SLC36A4: variants seen among roughly 807,000 people sequenced by gnomAD.
The protein encoded by SLC36A4 is solute carrier family 36 member 4.
A neutral mutation model predicts 50.5 loss-of-function variants in SLC36A4; 49 were observed. The observed-to-expected ratio is 0.97, with a 90% CI of 0.77 to 1.23. The LOEUF is 1.23. SLC36A4 is among the 50% of genes most tolerant of loss of function. SLC36A4 has a pLI of 0.00. For synonymous variants in SLC36A4, 207 were observed against 206.5 expected (o/e 1.00, Z -0.02); for missense variants, 611 against 608.4 (o/e 1.00, Z -0.05).
At chr11:93,192,374 G>T (rs929812180) in intron 1 of SLC36A4, among the ~76,000 whole-genome samples, 1 of 152,162 alleles carries the variant, frequency 6.6e-6, no homozygotes, top group African/African-American at 2.4e-5. Context: ...AGAGAGGAAT[G>T]AGTGCGGGGG....
intron 3 of SLC36A4, among the ~76,000 whole-genome samples, chr11:93,183,785 C>T (rs1861850409): frequency 6.6e-6 from 1 of 151,930 alleles, no homozygotes; most frequent in Admixed American, 6.6e-5. Context: ...GCAAACTCCA[C>T]CTCCTGGGTT....
chr11:93,190,895 A>G (rs1423659446), intron 1 of SLC36A4, among the ~76,000 whole-genome samples: 1 of 152,208 alleles, frequency 6.6e-6, no homozygotes, highest in African/African-American at 2.4e-5. Context: ...GTATACAGAG[A>G]GGTAACATTA....
Position 93,173,621 on chromosome 11 carries a change from G to T in SLC36A4, c.541-5450C>A, listed in dbSNP as rs879967585. Among the ~76,000 whole-genome samples, 228 of 29,804 alleles carry T rather than the reference G, an allele frequency of 7.6e-3. 1 individual carries two copies. Among genetic ancestry groups the T allele is most frequent in the African/African-American group, 0.018 (216 of 12,190 alleles). 19.6% of individuals were successfully genotyped at this position (29,804 alleles called of 152,430 possible). A position where few individuals can be genotyped will look rare whatever the true frequency, so the allele number is the denominator to read the frequency against. ...TTTAATCCATCTTGAATTGATTTTT[G>T]TATAAGGTGTAAGGAAGGGATCCAG... On this transcript the variant is annotated intron_variant, in intron 6 of 10. Transcript: ENST00000326402.
chr11:93,154,382 G>C (rs1019869576), intron 9 of SLC36A4, 105 bp from the exon 10 acceptor site: 2 of 508,068 alleles, frequency 3.9e-6, no homozygotes, highest in Admixed American at 4.3e-5. Flanking sequence ...TACCAAATTA[G>C]GCCAGAACCT....
At chr11:93,181,014 G>C (rs1393976955) in intron 5 of SLC36A4, 133 bp from the exon 6 acceptor site, 2 of 660,326 alleles carry the variant, frequency 3.0e-6, no homozygotes, top group South Asian at 3.9e-5. Flanking sequence ...CAGGAACTCA[G>C]AGCAGTTCAT....
rs750283537 is a variant in SLC36A4 at position 93,185,772 on chromosome 11, T to A, written c.98A>T (p.Asp33Val). 88 of 1,608,516 alleles carry A rather than the reference T, an allele frequency of 5.5e-5. No homozygotes were observed. The Admixed American group carries it at 1.5e-3, about 27-fold the overall frequency. The change falls in exon 2 of 11, where the codon GAT becomes GTT. Residue 33 changes from aspartate to valine, a missense_variant. Physicochemically the swap from Asp to Val is radical, Grantham distance 152. Coordinates refer to ENST00000326402, the MANE Select transcript of SLC36A4 (RefSeq NM_152313.4). Reference protein sequence around the residue: ...MRPLINEQNFDGTSDEEHEQE... With the variant: ...MRPLINEQNFVGTSDEEHEQE... Reference sequence around the variant, plus strand: ...CTCATGTTCTTCATCTGATGTCCCATCAAAATTCTGCTCATTTATCAAGGG... The same window carrying A: ...CTCATGTTCTTCATCTGATGTCCCAACAAAATTCTGCTCATTTATCAAGGG...
chr11:93,160,283 C>T, intron 9 of SLC36A4: 1 of 985,414 alleles, frequency 1.0e-6, no homozygotes, highest in Non-Finnish European at 1.2e-6. Flanking sequence ...AATGCAAATT[C>T]TCTAAAGGGA....
chr11:93,169,179 T>C (rs76149348), intron 6 of SLC36A4, among the ~76,000 whole-genome samples: 91 of 152,120 alleles, frequency 6.0e-4, no homozygotes, highest in East Asian at 5.6e-3. Flanking sequence ...TATCAGGTAC[T>C]GAACTACATG....
At chr11:93,165,048 C>G (rs1860799900) in intron 8 of SLC36A4, among the ~76,000 whole-genome samples, 1 of 152,064 alleles carries the variant, frequency 6.6e-6, no homozygotes, top group Non-Finnish European at 1.5e-5. Flanking sequence ...ACGTTTACAA[C>G]AGCAATAATT....
Position 93,148,366 on chromosome 11 carries a change from A to T in SLC36A4, c.*171T>A. 2 of 558,652 alleles carry T rather than the reference A, an allele frequency of 3.6e-6. No homozygotes were observed. Among genetic ancestry groups the T allele is most frequent in the Non-Finnish European group, 6.0e-6 (2 of 331,184 alleles). 34.6% of individuals were successfully genotyped at this position (558,652 alleles called of 1,614,324 possible). A position where few individuals can be genotyped will look rare whatever the true frequency, so the allele number is the denominator to read the frequency against. On this transcript the variant is annotated 3_prime_UTR_variant, in exon 11 of 11. Coordinates refer to ENST00000326402, the MANE Select transcript of SLC36A4 (RefSeq NM_152313.4). ...TAACACTTAAAAGCAAGGATTTTTC[A>T]TAGGTTTACCACTACTGGTAAAGAG...
intron 8 of SLC36A4, among the ~76,000 whole-genome samples, chr11:93,165,177 T>C (rs1046445792): frequency 8.5e-5 from 13 of 152,168 alleles, no homozygotes; most frequent in Admixed American, 3.3e-4. Context: ...CTGGGGTTAG[T>C]ATAAATAGAT....
chr11:93,192,744 C>A (rs575025787), intron 1 of SLC36A4, among the ~76,000 whole-genome samples: 1 of 152,074 alleles, frequency 6.6e-6, no homozygotes, highest in South Asian at 2.1e-4. Context: ...ACGTTTCAAG[C>A]GCTCAATAAC....
rs1859825219 is a variant in SLC36A4 at position 93,145,249 on chromosome 11, A to C, written c.*3288T>G. On this transcript the variant is annotated 3_prime_UTR_variant, in exon 11 of 11. Transcript: ENST00000326402. ...AGATTAGACACTGTTAGGAAATTCA[A>C]AACATGCACATTGACATACAACGCT... 6.6e-6 allele frequency: 1 copy of C among 152,138 alleles called. No individual in the cohort carries two copies. The highest frequency in any genetic ancestry group is 6.6e-5 in the Admixed American group (1 of 15,254). The allele number at this position is 152,138 out of a possible 1,614,324, so 9.4% of individuals were successfully genotyped here.
In SLC36A4 at chr11:93,162,751, T is replaced by A. The variant is rs757658701; in HGVS notation, c.992A>T (p.Asp331Val). 4 of 1,613,006 alleles carry A rather than the reference T, an allele frequency of 2.5e-6. No individual in the cohort carries two copies. The South Asian group carries it at 4.4e-5, about 18-fold the overall frequency. ...LATLGYMCFH[D>V]EIKGSITLNL... Reference sequence around the variant, plus strand: ...TAAAGTTATGCTGCCTTTGATTTCATCATGGAAACACATATATCCTAAAGT... The same window carrying A: ...TAAAGTTATGCTGCCTTTGATTTCAACATGGAAACACATATATCCTAAAGT... Residue 331 changes from aspartate (D) to valine (V), a missense_variant, in exon 9 of 11, where the codon GAT (aspartate) becomes GTT (valine). Coordinates refer to ENST00000326402, the MANE Select transcript of SLC36A4 (RefSeq NM_152313.4).
rs1399751777 is a variant in SLC36A4 at position 93,146,266 on chromosome 11, G to A, written c.*2271C>T. 6.6e-6 allele frequency: 1 copy of A among 151,838 alleles called. No homozygotes were observed. Among genetic ancestry groups the A allele is most frequent in the Non-Finnish European group, 1.5e-5 (1 of 67,916 alleles). 9.4% of individuals were successfully genotyped at this position (151,838 alleles called of 1,614,324 possible). A position where few individuals can be genotyped will look rare whatever the true frequency, so the allele number is the denominator to read the frequency against. ...GTGTAAAAATTAAATAACATACATA[G>A]ACTAGAAATATTATCTGAAAACAGG... is the stretch of plus-strand genomic sequence containing the variant. On this transcript the variant is annotated 3_prime_UTR_variant, in exon 11 of 11. Coordinates refer to ENST00000326402, the MANE Select transcript of SLC36A4 (RefSeq NM_152313.4).
Position 93,144,526 on chromosome 11 carries a change from C to A in SLC36A4, c.*4011G>T, listed in dbSNP as rs1859812797. 6.6e-6 allele frequency: 1 copy of A among 151,984 alleles called. No individual in the cohort carries two copies. Among genetic ancestry groups the A allele is most frequent in the Admixed American group, 6.6e-5 (1 of 15,226 alleles). The allele number at this position is 151,984 out of a possible 1,614,324, so 9.4% of individuals were successfully genotyped here. On this transcript the variant is annotated 3_prime_UTR_variant, in exon 11 of 11. Transcript: ENST00000326402. Reference sequence around the variant, plus strand: ...GTGTGTCTGCATATACTTGTGCACGCATGCATGTAGGAACTAGCTAATTTT... The same window carrying A: ...GTGTGTCTGCATATACTTGTGCACGAATGCATGTAGGAACTAGCTAATTTT...
intron 6 of SLC36A4, among the ~76,000 whole-genome samples, chr11:93,179,517 A>C (rs1441712355): frequency 6.6e-6 from 1 of 152,204 alleles, no homozygotes; most frequent in Non-Finnish European, 1.5e-5. Flanking sequence ...GTTTCACAGA[A>C]CAGGTGACAT....
chr11:93,185,046 A>T (rs1029413930), intron 2 of SLC36A4, among the ~76,000 whole-genome samples: 4 of 152,288 alleles, frequency 2.6e-5, no homozygotes, highest in Admixed American at 6.5e-5. Context: ...AACAGGTAAG[A>T]TAAACACGAA....
intron 1 of SLC36A4, among the ~76,000 whole-genome samples, chr11:93,192,730 C>T (rs1409501693): frequency 6.6e-6 from 1 of 152,146 alleles, no homozygotes; most frequent in Non-Finnish European, 1.5e-5. Flanking sequence ...AGTTTGAACA[C>T]ACCACGTTTC....
Sources: allele counts gnomAD v4.1 joint callset (sites outside exome capture counted in the v4.1 genomes callset), GRCh38; gene constraint gnomAD v4.1.1; transcripts MANE v1.5; gene names NCBI Gene and HGNC (gene_info 2026-07-23, HGNC 2026-07-21).